The following NPHP4 variants were observed in gnomAD, a reference collection of about 807,000 sequenced individuals.
The protein encoded by NPHP4 is nephrocystin 4.
In NPHP4, 151 loss-of-function variants were observed where a neutral mutation model predicts 155.8. The ratio of observed to expected loss-of-function variants is 0.97; its 90% CI spans 0.85 to 1.11. The LOEUF (loss-of-function observed/expected upper bound fraction) is 1.11. Among genes scored for constraint, NPHP4 ranks in the 50% least tolerant of loss-of-function variants. The pLI is 0.00. For synonymous variants in NPHP4, 845 were observed against 816.8 expected, an observed-to-expected ratio of 1.03 and a Z score of -0.59; for missense variants, 1,956 against 1,925.7, an observed-to-expected ratio of 1.02 and a Z score of -0.29.
intron 10 of NPHP4, among the ~76,000 whole-genome samples, chr1:5,932,761 G>A (rs554422496): frequency 6.6e-6 from 1 of 151,960 alleles, no homozygotes; most frequent in Non-Finnish European, 1.5e-5. Context: ...AGATAAGCCA[G>A]GGCTAGAAAC....
At chr1:5,953,408 A>C (rs928014130) in intron 6 of NPHP4, among the ~76,000 whole-genome samples, 17 of 152,190 alleles carry the variant, frequency 1.1e-4, no homozygotes, top group Non-Finnish European at 2.2e-4. Context: ...CTGGCCCAGG[A>C]ACAGTTTTTA....
At chr1:5,947,546 A>G (rs983285138) in intron 8 of NPHP4, among the ~76,000 whole-genome samples, 2 of 152,230 alleles carry the variant, frequency 1.3e-5, no homozygotes, top group African/African-American at 2.4e-5. Context: ...GCTTGCCTGC[A>G]GGCCTGATAC....
At chr1:5,888,218 T>C in intron 17 of NPHP4, 1 of 551,608 alleles carries the variant, frequency 1.8e-6, no homozygotes, top group Non-Finnish European at 2.3e-6. Flanking sequence ...GCTCTTCTGC[T>C]GATCAGATTC....
rs188272565 is a variant in NPHP4 at position 5,864,910 on chromosome 1, C to T, written c.3816+192G>A. 1,356 of 605,738 alleles carry T rather than the reference C, an allele frequency of 2.2e-3. 3 individuals carry two copies. Among genetic ancestry groups the T allele is most frequent in the Non-Finnish European group, 3.2e-3 (1,076 of 338,804 alleles). 37.5% of individuals were successfully genotyped at this position (605,738 alleles called of 1,614,324 possible). On this transcript the variant is annotated intron_variant, in intron 27 of 29. Coordinates refer to ENST00000378156, the MANE Select transcript of NPHP4 (RefSeq NM_015102.5). ...CACCGGCCTTTGGGGTTGGTGTGTA[C>T]GTCACTCACCCCACAATGGCACATC...
At chr1:5,978,805 C>A (rs1237944587) in intron 2 of NPHP4, among the ~76,000 whole-genome samples, 1 of 152,208 alleles carries the variant, frequency 6.6e-6, no homozygotes, top group Non-Finnish European at 1.5e-5. Context: ...ACACCTGAAG[C>A]TTATGCTGGC....
chr1:5,927,718 G>A lies in NPHP4; in HGVS notation c.1372C>T (p.Pro458Ser). The change falls in exon 11 of 30, where the codon CCC (proline) becomes TCC (serine). Residue 458 changes from proline (P) to serine (S), a missense_variant. By Grantham distance (74) the Pro-to-Ser change is moderately conservative (BLOSUM62 -1). Coordinates refer to ENST00000378156, the MANE Select transcript of NPHP4 (RefSeq NM_015102.5). Reference protein sequence around the residue: ...SLGSEEHLDAPTEPVSGPKVE... With the variant: ...SLGSEEHLDASTEPVSGPKVE... ...TTGGGGCCACTGACAGGCTCCGTGGGTGCATCCAGGTGTTCTTCTGAGCCC... is the reference window on the plus strand; with the variant it reads ...TTGGGGCCACTGACAGGCTCCGTGGATGCATCCAGGTGTTCTTCTGAGCCC... 1.2e-6 allele frequency: 2 copies of A among 1,613,502 alleles called. No individual in the cohort carries two copies. The highest frequency in any genetic ancestry group is 2.2e-5 in the East Asian group (1 of 44,850).
At chr1:5,955,377 C>T (rs542133436) in intron 6 of NPHP4, among the ~76,000 whole-genome samples, 192 of 152,354 alleles carry the variant, frequency 1.3e-3, no homozygotes, top group African/African-American at 4.4e-3. Flanking sequence ...AATCCTACTA[C>T]TGAGTATATA....
chr1:5,949,339 T>TACACACACACAC (rs1411189925), intron 7 of NPHP4, among the ~76,000 whole-genome samples: 5 of 16,756 alleles, frequency 3.0e-4, no homozygotes, highest in Non-Finnish European at 4.9e-4. Flanking sequence ...CTCATTCACA[T>TACACACACACAC]ACATACACAC....
intron 28 of NPHP4, 38 bp from the exon 29 acceptor site, chr1:5,864,071 C>G (rs1416306859): frequency 6.2e-7 from 1 of 1,604,644 alleles, no homozygotes; most frequent in Admixed American, 1.7e-5. Context: ...TGCGGCCACT[C>G]ACGGGAACAG....
At chr1:5,869,530 GTA>G (rs572772621) in intron 23 of NPHP4, among the ~76,000 whole-genome samples, 197 of 152,314 alleles carry the variant, frequency 1.3e-3, no homozygotes, top group African/African-American at 4.4e-3. Context: ...AAGTGTTAAT[GTA>G]TTAAAAATAA....
At chr1:5,923,600 A>G (rs1364786693) in intron 11 of NPHP4, among the ~76,000 whole-genome samples, 1 of 152,226 alleles carries the variant, frequency 6.6e-6, no homozygotes, top group African/African-American at 2.4e-5. Context: ...AGGCAGACAT[A>G]GCGCTGTTCC....
At chr1:5,938,891 C>T (rs372140790) in intron 9 of NPHP4, among the ~76,000 whole-genome samples, 1 of 152,256 alleles carries the variant, frequency 6.6e-6, no homozygotes, top group South Asian at 2.1e-4. Flanking sequence ...TGTTAGAGAA[C>T]GATGTTAACA....
At chr1:5,913,989 A>C (rs558705598) in intron 11 of NPHP4, among the ~76,000 whole-genome samples, 1 of 152,276 alleles carries the variant, frequency 6.6e-6, no homozygotes, top group South Asian at 2.1e-4. Context: ...CTCCCCGCAA[A>C]GTAAGTACAC....
At chr1:5,885,770 C>G (rs1643746633) in intron 18 of NPHP4, among the ~76,000 whole-genome samples, 1 of 152,232 alleles carries the variant, frequency 6.6e-6, no homozygotes, top group Non-Finnish European at 1.5e-5. Context: ...CAGAGAGACG[C>G]CTACTGTACC....
chr1:5,868,170 C>T, intron 23 of NPHP4: 1 of 535,492 alleles, frequency 1.9e-6, no homozygotes, highest in Admixed American at 2.6e-5. Context: ...GTACAGCACA[C>T]TTCTTAAATG....
At chr1:5,904,017 G>A (rs749028541) in intron 16 of NPHP4, among the ~76,000 whole-genome samples, 5 of 152,188 alleles carry the variant, frequency 3.3e-5, no homozygotes, top group Non-Finnish European at 5.9e-5. Flanking sequence ...CTAAAGAGGG[G>A]ACAGAACAAC....
rs568324710 is a variant in NPHP4 at position 5,889,748 on chromosome 1, G to A, written c.2304+1120C>T. The stretch of plus-strand genomic sequence containing the variant: ...TGGGAGACGGACAAGCAAGGGCCAC[G>A]ATGACCCTGTGGGGCCCTTGCCATG... On this transcript the variant is annotated intron_variant, in intron 17 of 29. Transcript: ENST00000378156. The surrounding 1 kb of genome is among the most constrained non-coding windows in gnomAD (Gnocchi z 4.2). 7.2e-5 allele frequency among the ~76,000 whole-genome samples: 11 copies of A among 152,356 alleles called. No individual in the cohort carries two copies. The East Asian group carries it at 1.2e-3, about 16-fold the overall frequency.
intron 9 of NPHP4, among the ~76,000 whole-genome samples, chr1:5,938,034 C>T (rs72630632): frequency 0.026 from 3,938 of 152,310 alleles, 76 homozygotes; most frequent in Non-Finnish European, 0.04. Context: ...GAAATGACCA[C>T]CATACAGGCG....
At chr1:5,964,917 T>TATACA (rs1553194702) in intron 5 of NPHP4, among the ~76,000 whole-genome samples, 1 of 82,640 alleles carries the variant, frequency 1.2e-5, no homozygotes, top group African/African-American at 5.6e-5. Flanking sequence ...TACATATATA[T>TATACA]TATATATATA....
Sources: allele counts gnomAD v4.1 joint callset (sites outside exome capture counted in the v4.1 genomes callset), GRCh38; gene constraint gnomAD v4.1.1; non-coding constraint Gnocchi (gnomAD v3.1); transcripts MANE v1.5; gene names NCBI Gene and HGNC (gene_info 2026-07-23, HGNC 2026-07-21).